COL25A1: variants seen among roughly 807,000 people sequenced by gnomAD.
The protein encoded by COL25A1 is collagen alpha-1(XXV) chain.
A neutral mutation model predicts 128.4 loss-of-function variants in COL25A1; 103 were observed. The observed-to-expected ratio is 0.80, with a 90% CI of 0.68 to 0.94. The LOEUF (loss-of-function observed/expected upper bound fraction) is 0.94. Ranked by LOEUF, COL25A1 falls within the 40% of genes least tolerant of loss-of-function variation. The pLI is 0.00. For missense variants in COL25A1, 745 were observed against 840.0 expected (o/e 0.89, Z 1.40); for synonymous variants, 279 against 277.2 (o/e 1.01, Z -0.06).
chr4:109,242,236 G>C (rs993451156), intron 3 of COL25A1, among the ~76,000 whole-genome samples: 2 of 152,024 alleles, frequency 1.3e-5, no homozygotes, highest in African/African-American at 4.8e-5. Flanking sequence ...CACATCATGT[G>C]TTTCAGAAAC....
intron 16 of COL25A1, among the ~76,000 whole-genome samples, chr4:108,890,257 A>T (rs1196771210): frequency 1.3e-5 from 2 of 152,218 alleles, no homozygotes; most frequent in East Asian, 3.9e-4. Flanking sequence ...GCAGCAGATC[A>T]GTTTGTTTTC....
At chr4:109,239,687 G>A (rs1779750455) in intron 3 of COL25A1, among the ~76,000 whole-genome samples, 1 of 151,278 alleles carries the variant, frequency 6.6e-6, no homozygotes, top group Admixed American at 6.6e-5. Flanking sequence ...ACCACTGTAG[G>A]CCTTATAAAC....
chr4:109,145,991 C>T (rs896900423), intron 3 of COL25A1, among the ~76,000 whole-genome samples: 21 of 152,070 alleles, frequency 1.4e-4, no homozygotes, highest in Non-Finnish European at 1.3e-4. Context: ...AAATTGAAGC[C>T]TATTTCTTTC....
chr4:109,013,914 C>T (rs1304508889), intron 5 of COL25A1, among the ~76,000 whole-genome samples: 1 of 152,186 alleles, frequency 6.6e-6, no homozygotes, highest in Non-Finnish European at 1.5e-5. Context: ...AAATTACAAA[C>T]ATGTGGTCAC....
intron 3 of COL25A1, among the ~76,000 whole-genome samples, chr4:109,220,454 A>T (rs1035112470): frequency 1.3e-5 from 2 of 152,216 alleles, no homozygotes; most frequent in African/African-American, 4.8e-5. Context: ...GTTTTACACC[A>T]GACACACTGT....
At chr4:109,189,624 G>A (rs1422671361) in intron 3 of COL25A1, among the ~76,000 whole-genome samples, 1 of 150,114 alleles carries the variant, frequency 6.7e-6, no homozygotes, top group Non-Finnish European at 1.5e-5. Context: ...TGAAGTTTGT[G>A]CTCGTATCAG....
rs916120535 is a variant in COL25A1 at position 109,207,503 on chromosome 4, T to A, written c.367+93080A>T. Among the ~76,000 whole-genome samples the A allele has an allele frequency of 2.0e-5, 3 of 152,204 alleles. No individual in the cohort carries two copies. The South Asian group carries it at 6.2e-4, about 31-fold the overall frequency. Reference sequence around the variant, plus strand: ...TATCACTGACAAAACACTTAAGATATAGCTCGGGTGTTGAATGTCACTTTT... The same window carrying A: ...TATCACTGACAAAACACTTAAGATAAAGCTCGGGTGTTGAATGTCACTTTT... On this transcript the variant is annotated intron_variant, in intron 3 of 37. Coordinates refer to ENST00000399132, the MANE Select transcript of COL25A1 (RefSeq NM_198721.4).
intron 3 of COL25A1, among the ~76,000 whole-genome samples, chr4:109,171,348 A>G (rs1051973746): frequency 6.6e-6 from 1 of 152,142 alleles, no homozygotes; most frequent in Admixed American, 6.6e-5. Context: ...TGAAACCCTA[A>G]TCCCAGTTTG....
In COL25A1 at chr4:108,942,127, C is replaced by A. The variant is rs28644362; in HGVS notation, c.493-690G>T. ...TACCATGAGAGGAAGCCAACGGGCT[C>A]GGCAAGCCAATTGAATGGTTCCTGC... On this transcript the variant is annotated intron_variant, in intron 8 of 37. Coordinates refer to ENST00000399132, the MANE Select transcript of COL25A1 (RefSeq NM_198721.4). 4.3e-3 allele frequency: 6,101 copies of A among 1,409,444 alleles called. 194 individuals carry two copies. In the African/African-American group the frequency reaches 0.076, roughly 18 times the overall value. 87.3% of individuals were successfully genotyped at this position (1,409,444 alleles called of 1,614,324 possible). A position where few individuals can be genotyped will look rare whatever the true frequency, so the allele number is the denominator to read the frequency against.
At chr4:109,026,146 A>G (rs1468430723) in intron 5 of COL25A1, among the ~76,000 whole-genome samples, 3 of 151,388 alleles carry the variant, frequency 2.0e-5, no homozygotes, top group Non-Finnish European at 4.4e-5. Flanking sequence ...ATATACTCTT[A>G]AATTAGTTCG....
At chr4:109,109,544 T>C (rs973265583) in intron 3 of COL25A1, among the ~76,000 whole-genome samples, 1 of 152,168 alleles carries the variant, frequency 6.6e-6, no homozygotes, top group African/African-American at 2.4e-5. Flanking sequence ...CCTAAACTCA[T>C]CTTTACATTA....
chr4:108,831,147 T>G (rs1251834096), intron 32 of COL25A1, among the ~76,000 whole-genome samples: 1 of 151,796 alleles, frequency 6.6e-6, no homozygotes, highest in African/African-American at 2.4e-5. Context: ...CTCTTCTAGG[T>G]CAGGAAGAAT....
intron 3 of COL25A1, among the ~76,000 whole-genome samples, chr4:109,286,531 G>A (rs1723909110): frequency 6.6e-6 from 1 of 151,998 alleles, no homozygotes; most frequent in African/African-American, 2.4e-5. Flanking sequence ...ATATATTCTT[G>A]CCTTTTTTAT....
chr4:109,262,769 A>AAAGTGGTTTT (rs1410555509), intron 3 of COL25A1, among the ~76,000 whole-genome samples: 7 of 152,188 alleles, frequency 4.6e-5, no homozygotes, highest in African/African-American at 1.7e-4. Context: ...AAAATCATAC[A>AAAGTGGTTTT]AAGTGGTTTT....
At chr4:108,986,200 A>G (rs1389371060) in intron 6 of COL25A1, among the ~76,000 whole-genome samples, 1 of 152,078 alleles carries the variant, frequency 6.6e-6, no homozygotes. Flanking sequence ...CATCCTACAT[A>G]CTTTTGTCAG....
At position 109,272,457 on chromosome 4, in the gene COL25A1, G is replaced by A. The variant is rs139885618; in HGVS notation, c.367+28126C>T. Reference sequence around the variant, plus strand: ...AAATCATTTAATCCAATTCCCTCATGTAATGGGTATAGAACAGAGGGAATT... The same window carrying A: ...AAATCATTTAATCCAATTCCCTCATATAATGGGTATAGAACAGAGGGAATT... On this transcript the variant is annotated intron_variant, in intron 3 of 37. Transcript: ENST00000399132. Among the ~76,000 whole-genome samples, 1,130 of 152,242 alleles carry A rather than the reference G, an allele frequency of 7.4e-3. 21 individuals are homozygous for A. The highest frequency in any genetic ancestry group is 0.025 in the African/African-American group (1,051 of 41,536).
At chr4:108,897,034 C>T (rs1327171203) in intron 15 of COL25A1, among the ~76,000 whole-genome samples, 2 of 152,186 alleles carry the variant, frequency 1.3e-5, no homozygotes, top group Non-Finnish European at 2.9e-5. Context: ...AAGGCTTTCT[C>T]CTGACAGTTC....
chr4:108,973,499 C>A lies in COL25A1; in HGVS notation c.492+868G>T, dbSNP rs541101796. On this transcript the variant is annotated intron_variant, in intron 8 of 37. Transcript: ENST00000399132. ...AAAATATCTCTATGCAGTATAAATG[C>A]ATTTAATAAGTAACTAAGCACAGTG... 2.0e-5 allele frequency among the ~76,000 whole-genome samples: 3 copies of A among 152,296 alleles called. No individual in the cohort carries two copies. In the South Asian group the frequency reaches 6.2e-4, roughly 32 times the overall value.
intron 3 of COL25A1, among the ~76,000 whole-genome samples, chr4:109,112,409 T>A (rs938122790): frequency 6.6e-6 from 1 of 152,160 alleles, no homozygotes; most frequent in African/African-American, 2.4e-5. Flanking sequence ...ATATGGTGGA[T>A]TATGGAATGA....
Sources: gnomAD v4.1 joint callset for allele counts (sites outside exome capture counted in the v4.1 genomes callset) on GRCh38, gnomAD v4.1.1 for gene constraint, MANE v1.5 for transcripts, NCBI Gene and HGNC (gene_info 2026-07-23, HGNC 2026-07-21) for gene names.